The following TEDC1 variants were observed in gnomAD, a reference collection of about 807,000 sequenced individuals.
TEDC1 encodes the protein tubulin epsilon and delta complex 1, also known as tubulin epsilon and delta complex protein 1.
A neutral mutation model predicts 59.9 loss-of-function variants in TEDC1; 54 were observed. The ratio of observed to expected loss-of-function variants is 0.90; its 90% CI spans 0.72 to 1.13. TEDC1 has a LOEUF of 1.13. Ranked by LOEUF, TEDC1 falls within the 50% of genes most tolerant of loss-of-function variation. The pLI, the probability that TEDC1 is intolerant of heterozygous loss-of-function variation, is 0.00. For synonymous variants in TEDC1, 353 were observed against 298.1 expected, an observed-to-expected ratio of 1.18 and a Z score of -1.90; for missense variants, 734 against 683.4, an observed-to-expected ratio of 1.07 and a Z score of -0.83.
upstream of TEDC1, chr14:105,490,739 C>A: frequency 2.3e-6 from 1 of 434,216 alleles, no homozygotes. Flanking sequence ...GCGCGGCGGG[C>A]TCTGGGCGCC....
At chr14:105,491,823 C>G in intron 2 of TEDC1, 123 bp downstream of exon 2, 1 of 1,193,500 alleles carries the variant, frequency 8.4e-7, no homozygotes. Context: ...ACTGACCCCG[C>G]TTGCTCCTCA....
At chr14:105,490,908 C>T, upstream of TEDC1, 1 of 995,026 alleles carries the variant, frequency 1.0e-6, no homozygotes. Context: ...GGGGTCTGAG[C>T]GAGGCGGGGT....
In TEDC1 at chr14:105,499,036, C is replaced by A; in HGVS notation, c.*90C>A. 7.3e-7 allele frequency: 1 copy of A among 1,364,800 alleles called. No homozygotes were observed. The highest frequency in any genetic ancestry group is 1.4e-5 in the South Asian group (1 of 69,860). 84.5% of individuals were successfully genotyped at this position (1,364,800 alleles called of 1,614,324 possible). On this transcript the variant is annotated 3_prime_UTR_variant, in exon 9 of 9. Transcript: ENST00000392523. ...AGCAGATTCCAAGGCCAGGTGGCCGCAGGGACGATGCAGATGCAGAGCCCA... is the reference window on the plus strand; with the variant it reads ...AGCAGATTCCAAGGCCAGGTGGCCGAAGGGACGATGCAGATGCAGAGCCCA...
At chr14:105,492,856 C>T (rs1271205076) in intron 4 of TEDC1, 122 bp downstream of exon 4, 2 of 1,339,436 alleles carry the variant, frequency 1.5e-6, no homozygotes, top group Non-Finnish European at 2.0e-6. Flanking sequence ...GTGGGCCTTC[C>T]TGCCCTGGCT....
Position 105,492,135 on chromosome 14 carries a change from A to G in TEDC1, c.255A>G (p.Ala85=), listed in dbSNP as rs1001592981. The G allele has an allele frequency of 8.7e-6, 14 of 1,611,906 alleles. No homozygotes were observed. Among genetic ancestry groups the G allele is most frequent in the Non-Finnish European group, 1.0e-5 (12 of 1,179,510 alleles). ...LEVQARLVKS[A]LCSQGYPRLA... The stretch of plus-strand genomic sequence containing the variant: ...TCCAAGCCCGCTTGGTGAAGTCAGC[A>G]CTATGCTCCCAGGGCTACCCGAGGC... Residue 85 remains alanine (A), a synonymous_variant, in exon 3 of 9, where the codon GCA becomes GCG. Transcript: ENST00000392523.
At chr14:105,497,468 C>A in intron 7 of TEDC1, 25 bp downstream of exon 7, 1 of 1,539,052 alleles carries the variant, frequency 6.5e-7, no homozygotes, top group Non-Finnish European at 8.7e-7. Flanking sequence ...GCATCCCTCT[C>A]CCGGCATCCC....
rs781787303 is a variant in TEDC1 at position 105,491,631 on chromosome 14, C to T, written c.157C>T (p.Leu53Phe). The T allele has an allele frequency of 1.1e-5, 17 of 1,549,622 alleles. No homozygotes were observed. The highest frequency in any genetic ancestry group is 3.9e-5 in the Admixed American group (2 of 50,976). ...TTTTTATTTTCCGCAGACCTCCGCG[C>T]TCTGGCAGCTCCTCTTCCGTGTGCT... is the stretch of plus-strand genomic sequence containing the variant. ...KFDRPEATSA[L>F]WQLLFRVLSP... Residue 53 changes from leucine to phenylalanine, a missense_variant, in exon 2 of 9, where the codon CTC becomes TTC. By Grantham distance (22) the Leu-to-Phe change is conservative. Transcript: ENST00000392523.
At position 105,498,719 on chromosome 14, in the gene TEDC1, G is replaced by C. The variant is rs2084403429; in HGVS notation, c.1261G>C (p.Asp421His). ...AGCTCTACAGCAGTGCTGGGAGCGA[G>C]ACGGTGGCCCGGCCCAGCCCCATGG... The part of the protein sequence containing the change: ...LGALQQCWER[D>H]GGPAQPHGPH... Residue 421 changes from aspartate to histidine, a missense_variant, in exon 9 of 9, where the codon GAC (aspartate) becomes CAC (histidine). Coordinates refer to ENST00000392523, the MANE Select transcript of TEDC1 (RefSeq NM_001367178.1). 2.6e-6 allele frequency: 4 copies of C among 1,554,774 alleles called. No individual in the cohort carries two copies.
chr14:105,498,711 G>T lies in TEDC1; in HGVS notation c.1253G>T (p.Trp418Leu). The change falls in exon 9 of 9, where the codon TGG becomes TTG. Residue 418 changes from tryptophan (W) to leucine (L), a missense_variant. By Grantham distance (61) the Trp-to-Leu change is moderately conservative. Coordinates refer to ENST00000392523, the MANE Select transcript of TEDC1 (RefSeq NM_001367178.1). ...GAGCTGGGAGCTCTACAGCAGTGCT[G>T]GGAGCGAGACGGTGGCCCGGCCCAG... is the stretch of plus-strand genomic sequence containing the variant. ...EKELGALQQC[W>L]ERDGGPAQPH... 6.4e-7 allele frequency: 1 copy of T among 1,554,260 alleles called. No individual in the cohort carries two copies. The highest frequency in any genetic ancestry group is 8.7e-7 in the Non-Finnish European group (1 of 1,149,360).
intron 7 of TEDC1, 113 bp downstream of exon 7, chr14:105,497,556 A>G: frequency 1.5e-6 from 2 of 1,322,210 alleles, no homozygotes; most frequent in Non-Finnish European, 1.0e-6. Context: ...TAGGGAGGCC[A>G]CAGACCTAGT....
rs376565391 is a variant in TEDC1 at position 105,498,955 on chromosome 14, C to T, written c.*9C>T. 1.4e-4 allele frequency: 226 copies of T among 1,590,748 alleles called. 1 individual carries two copies. The highest frequency in any genetic ancestry group is 2.0e-4 in the Middle Eastern group (1 of 5,114). On this transcript the variant is annotated 3_prime_UTR_variant, in exon 9 of 9. Transcript: ENST00000392523. ...CGCCACCTGGACGCTGAGGGCCTGTCGACGGGCCCTCGTGTGGGAAGCCTG... is the reference window on the plus strand; with the variant it reads ...CGCCACCTGGACGCTGAGGGCCTGTTGACGGGCCCTCGTGTGGGAAGCCTG...
intron 4 of TEDC1, among the ~76,000 whole-genome samples, chr14:105,493,480 A>C (rs1314878269): frequency 6.6e-6 from 1 of 151,802 alleles, no homozygotes; most frequent in Non-Finnish European, 1.5e-5. Flanking sequence ...TCATGTCCCC[A>C]CTGTGAGCCT....
In TEDC1 at chr14:105,497,955, G is replaced by A. The variant is rs1053366223; in HGVS notation, c.1136G>A (p.Arg379Lys). The change falls in exon 8 of 9, where the codon AGG becomes AAG. Residue 379 changes from arginine (R) to lysine (K), a missense_variant. Coordinates refer to ENST00000392523, the MANE Select transcript of TEDC1 (RefSeq NM_001367178.1). ...EEELREAAER[R>K]RAAWEAKAGG... ...GAGCTGCGGGAGGCTGCGGAGCGCA[G>A]GCGGGCGGCCTGGGAGGCCAAGGTG... 16 of 1,536,946 alleles carry A rather than the reference G, an allele frequency of 1.0e-5. No individual in the cohort carries two copies. In the African/African-American group the frequency reaches 1.6e-4, roughly 16 times the overall value.
rs373315186 is a variant in TEDC1 at position 105,492,253 on chromosome 14, G to A, written c.373G>A (p.Glu125Lys). The change falls in exon 3 of 9, where the codon GAG becomes AAG. Residue 125 changes from glutamate (E) to lysine (K), a missense_variant. Glu to Lys is a moderately conservative substitution (Grantham distance 56, BLOSUM62 1). Coordinates refer to ENST00000392523, the MANE Select transcript of TEDC1 (RefSeq NM_001367178.1). ...SWLLARGPVP[E>K]QMLAQARVPL... Reference sequence around the variant, plus strand: ...GCTCTTGGCCCGAGGACCTGTGCCCGAGCAGATGCTGGCCCAGGCCCGAGT... The same window carrying A: ...GCTCTTGGCCCGAGGACCTGTGCCCAAGCAGATGCTGGCCCAGGCCCGAGT... 1.2e-5 allele frequency: 19 copies of A among 1,610,260 alleles called. No homozygotes were observed. Among genetic ancestry groups the A allele is most frequent in the Non-Finnish European group, 5.9e-6 (7 of 1,179,982 alleles).
chr14:105,498,822 T>C lies in TEDC1; in HGVS notation c.1364T>C (p.Leu455Pro). ...CGGGCAGCTGTGGTGATCAGGACGCTGAGGAGCCAGGAGGCCTGCCTGGAG... is the reference window on the plus strand; with the variant it reads ...CGGGCAGCTGTGGTGATCAGGACGCCGAGGAGCCAGGAGGCCTGCCTGGAG... Reference protein sequence around the residue: ...DLRAAVVIRTLRSQEACLEAV... With the variant: ...DLRAAVVIRTPRSQEACLEAV... The change falls in exon 9 of 9, where the codon CTG becomes CCG. Residue 455 changes from leucine to proline, a missense_variant. Transcript: ENST00000392523. 1.9e-6 allele frequency: 3 copies of C among 1,604,302 alleles called. No individual in the cohort carries two copies. The highest frequency in any genetic ancestry group is 2.5e-6 in the Non-Finnish European group (3 of 1,176,652).
intron 4 of TEDC1, 94 bp from the exon 5 acceptor site, chr14:105,493,741 C>A: frequency 1.2e-6 from 1 of 848,898 alleles, no homozygotes; most frequent in Non-Finnish European, 1.9e-6. Flanking sequence ...GGGAGGTGGG[C>A]TCTGATGGCC....
chr14:105,499,107 G>T lies in TEDC1; in HGVS notation c.*161G>T. ...GGTGGGGCTGGGCTGACTCTGGCCGGATCCCAGGCCTGTGGCTAGCAGCAC... is the reference window on the plus strand; with the variant it reads ...GGTGGGGCTGGGCTGACTCTGGCCGTATCCCAGGCCTGTGGCTAGCAGCAC... On this transcript the variant is annotated 3_prime_UTR_variant, in exon 9 of 9. Transcript: ENST00000392523. The T allele has an allele frequency of 2.6e-6, 2 of 772,330 alleles. No homozygotes were observed. The highest frequency in any genetic ancestry group is 4.1e-6 in the Non-Finnish European group (2 of 493,612). 47.8% of individuals were successfully genotyped at this position (772,330 alleles called of 1,614,324 possible). A position where few individuals can be genotyped will look rare whatever the true frequency, so the allele number is the denominator to read the frequency against.
At chr14:105,498,465 C>G (rs1458589311) in intron 8 of TEDC1, 152 bp from the exon 9 acceptor site, 1 of 830,816 alleles carries the variant, frequency 1.2e-6, no homozygotes, top group Non-Finnish European at 1.8e-6. Flanking sequence ...CATGATTTTC[C>G]CCTTAAAATT....
rs2084243792 is a variant in TEDC1 at position 105,492,677 on chromosome 14, G to A, written c.528G>A (p.Arg176=). ...RHVQWLMGKL[R]FRWRQLVSSQ... is the part of the protein sequence containing the mutation. ...TGCAGTGGCTGATGGGAAAGCTGCGGTTCCGGTGGCGCCAGCTGGTGTCCA... is the reference window on the plus strand; with the variant it reads ...TGCAGTGGCTGATGGGAAAGCTGCGATTCCGGTGGCGCCAGCTGGTGTCCA... Residue 176 remains arginine (R), a synonymous_variant, in exon 4 of 9, where the codon CGG becomes CGA. Coordinates refer to ENST00000392523, the MANE Select transcript of TEDC1 (RefSeq NM_001367178.1). The A allele has an allele frequency of 1.3e-6, 2 of 1,544,970 alleles. No homozygotes were observed. Among genetic ancestry groups the A allele is most frequent in the East Asian group, 4.9e-5 (2 of 40,926 alleles).
Sources: gnomAD v4.1 joint callset for allele counts (sites outside exome capture counted in the v4.1 genomes callset) on GRCh38, gnomAD v4.1.1 for gene constraint, MANE v1.5 for transcripts, NCBI Gene and HGNC (gene_info 2026-07-23, HGNC 2026-07-21) for gene names.